The following STK26 variants were observed in gnomAD, a reference collection of about 807,000 sequenced individuals.
The protein encoded by STK26 is serine/threonine-protein kinase 26.
Under a neutral mutation model 34.7 loss-of-function variants are expected in STK26, and 14 were observed. The observed-to-expected ratio is 0.40, with a 90% CI of 0.27 to 0.63. The LOEUF (loss-of-function observed/expected upper bound fraction) is 0.63, where lower values mean the gene tolerates loss of function less well. STK26 is among the 30% of genes least tolerant of loss of function. STK26 has a pLI of 0.38. For synonymous variants in STK26, 100 were observed against 109.8 expected (o/e 0.91, Z 0.56); for missense variants, 226 against 309.1 (o/e 0.73, Z 2.02).
At chrX:132,024,766 T>C (rs1434942288) in intron 2 of STK26, among the ~76,000 whole-genome samples, 6 of 108,048 alleles carry the variant, frequency 5.6e-5, no homozygotes, top group Non-Finnish European at 1.2e-4. Flanking sequence ...TTTTTTTTTT[T>C]CAGTGTTCTC....
intron 2 of STK26, among the ~76,000 whole-genome samples, chrX:132,042,878 G>A (rs1926316694): frequency 9.0e-6 from 1 of 111,436 alleles, no homozygotes; most frequent in African/African-American, 3.3e-5. Flanking sequence ...CTAGTCCTAC[G>A]ATTCCATTGG....
chrX:132,072,527 A>G (rs924975092), intron 9 of STK26, among the ~76,000 whole-genome samples, 166 bp downstream of exon 9: 7 of 106,129 alleles, frequency 6.6e-5, no homozygotes, highest in Non-Finnish European at 9.7e-5. Flanking sequence ...AATTAAGAAA[A>G]GTTAATAGAA....
At chrX:132,050,222 A>C (rs1602759281) in intron 2 of STK26, among the ~76,000 whole-genome samples, 1 of 111,483 alleles carries the variant, frequency 9.0e-6, no homozygotes, top group Middle Eastern at 4.6e-3. Context: ...TACTAACTAG[A>C]TCTAAAATTT....
chrX:132,038,198 G>A (rs1161375048), intron 2 of STK26, among the ~76,000 whole-genome samples: 1 of 111,395 alleles, frequency 9.0e-6, no homozygotes, highest in African/African-American at 3.3e-5. Flanking sequence ...TCCAAGGAAG[G>A]GGAAATCCTT....
At chrX:132,050,973 G>A (rs1410222015) in intron 2 of STK26, among the ~76,000 whole-genome samples, 1 of 111,759 alleles carries the variant, frequency 8.9e-6, no homozygotes, top group Admixed American at 9.5e-5. Context: ...AGTCTCAGTA[G>A]GCTGAATCAG....
At chrX:132,030,219 T>C (rs1925779931) in intron 2 of STK26, among the ~76,000 whole-genome samples, 1 of 111,860 alleles carries the variant, frequency 8.9e-6, no homozygotes, top group Admixed American at 9.5e-5. Context: ...CATTCTCTTG[T>C]CTTCCACAGA....
intron 3 of STK26, among the ~76,000 whole-genome samples, chrX:132,058,967 T>C (rs1179913733): frequency 9.0e-6 from 1 of 111,527 alleles, no homozygotes; most frequent in Non-Finnish European, 1.9e-5. Context: ...AGAAATATTC[T>C]ATAATCTTAC....
At position 132,025,647 on chromosome X, in the gene STK26, CT is replaced by C. The variant is rs57313614; in HGVS notation, c.42+2006del. 4.6e-3 allele frequency among the ~76,000 whole-genome samples: 373 copies of C among 81,696 alleles called. 2 individuals carry two copies. Among genetic ancestry groups the C allele is most frequent in the South Asian group, 0.031 (51 of 1,656 alleles). 70.9% of individuals were successfully genotyped at this position (81,696 alleles called of 115,157 possible). ...CAACGTTAGCAAAGAAGAGAGGAAT[CT>C]TTTTTTTTTTTTTTTTTGGTCATTC... is the stretch of plus-strand genomic sequence containing the variant. On this transcript the variant is annotated intron_variant, in intron 2 of 11. Coordinates refer to ENST00000394334, the MANE Select transcript of STK26 (RefSeq NM_016542.4).
At chrX:132,071,352 A>G in intron 8 of STK26, 135 bp downstream of exon 8, 2 of 702,593 alleles carry the variant, frequency 2.8e-6, no homozygotes, top group Non-Finnish European at 4.2e-6. Flanking sequence ...AACTGTAAAA[A>G]TCTTTTTCAA....
At position 132,074,569 on chromosome X, in the gene STK26, A is replaced by G. The variant is rs190158958; in HGVS notation, c.*410A>G. 1 of 112,993 alleles carries G rather than the reference A, an allele frequency of 8.9e-6. No homozygotes were observed. The highest frequency in any genetic ancestry group is 9.8e-5 in the Admixed American group (1 of 10,243). 9.3% of individuals were successfully genotyped at this position (112,993 alleles called of 1,213,427 possible). On this transcript the variant is annotated 3_prime_UTR_variant, in exon 12 of 12. Transcript: ENST00000394334. ...CAAGCTTCAAAAAGCTTTTTTTTTT[A>G]AAAAAAAACATGCATATTCTAAAAA...
intron 7 of STK26, 103 bp from the exon 8 acceptor site, chrX:132,070,966 T>G (rs951903643): frequency 2.3e-6 from 2 of 887,210 alleles, no homozygotes; most frequent in Non-Finnish European, 3.1e-6. Context: ...AGACATACCT[T>G]TATACCTTTC....
intron 4 of STK26, among the ~76,000 whole-genome samples, chrX:132,066,244 G>A (rs1927216258): frequency 9.0e-6 from 1 of 111,570 alleles, no homozygotes; most frequent in Non-Finnish European, 1.9e-5. Context: ...AAAAAGAATC[G>A]TGGTGGCTTG....
chrX:132,036,751 A>T (rs1315246772), intron 2 of STK26, among the ~76,000 whole-genome samples: 1 of 111,944 alleles, frequency 8.9e-6, no homozygotes, highest in East Asian at 2.8e-4. Context: ...GGGGAAAATG[A>T]TAGATAGATA....
At chrX:132,073,478 C>T (rs1389360219) in intron 11 of STK26, among the ~76,000 whole-genome samples, 1 of 111,430 alleles carries the variant, frequency 9.0e-6, no homozygotes, top group Admixed American at 9.6e-5. Flanking sequence ...GTTTCCAGTG[C>T]TAAAGTTCCT....
intron 2 of STK26, among the ~76,000 whole-genome samples, chrX:132,029,292 T>G (rs1301339052): frequency 1.8e-5 from 2 of 112,103 alleles, no homozygotes; most frequent in Non-Finnish European, 3.8e-5. Flanking sequence ...ATTCTGCTTT[T>G]CATATTCAGT....
chrX:132,065,160 C>A (rs1001654357), intron 4 of STK26, among the ~76,000 whole-genome samples: 6 of 111,532 alleles, frequency 5.4e-5, no homozygotes, highest in Non-Finnish European at 1.1e-4. Context: ...GAGAGAACAC[C>A]ACTGATGTTT....
intron 7 of STK26, among the ~76,000 whole-genome samples, chrX:132,070,565 C>T (rs745440077): frequency 3.6e-5 from 4 of 111,938 alleles, no homozygotes; most frequent in Admixed American, 9.4e-5. Flanking sequence ...AAAATGAAGG[C>T]GGAACATCCT....
In STK26 at chrX:132,072,291, A is replaced by G. The variant is rs775876961; in HGVS notation, c.956A>G (p.Asn319Ser). 3 of 1,209,153 alleles carry G rather than the reference A, an allele frequency of 2.5e-6. No individual in the cohort carries two copies. The highest frequency in any genetic ancestry group is 3.0e-5 in the East Asian group (1 of 33,768). ...SDSESTSREN[N>S]THPEWSFTTV... Reference sequence around the variant, plus strand: ...AGGGAATCTACCAGCAGGGAAAACAATACTCATCCTGAATGGAGCTTTACC... The same window carrying G: ...AGGGAATCTACCAGCAGGGAAAACAGTACTCATCCTGAATGGAGCTTTACC... Residue 319 changes from asparagine (N) to serine (S), a missense_variant, in exon 9 of 12, where the codon AAT becomes AGT. Around this residue, in one of 2 missense-constraint regions of STK26, gnomAD observed 126 missense variants for 132.4 expected, o/e 0.95. Coordinates refer to ENST00000394334, the MANE Select transcript of STK26 (RefSeq NM_016542.4).
intron 8 of STK26, 102 bp from the exon 9 acceptor site, chrX:132,072,166 T>G (rs1927436112): frequency 1.6e-6 from 1 of 614,466 alleles, no homozygotes; most frequent in African/African-American, 2.3e-5. Flanking sequence ...TTTTTAAACA[T>G]TGGGACAATT....
Sources: allele counts gnomAD v4.1 joint callset (sites outside exome capture counted in the v4.1 genomes callset), GRCh38; gene constraint gnomAD v4.1.1; regional missense constraint gnomAD v4.1.1; transcripts MANE v1.5; gene names NCBI Gene and HGNC (gene_info 2026-07-23, HGNC 2026-07-21).